NPAS3: variants seen among roughly 807,000 people sequenced by gnomAD.
NPAS3 encodes the protein neuronal PAS domain protein 3.
Under a neutral mutation model 73.1 loss-of-function variants are expected in NPAS3, and 14 were observed. That is an observed-to-expected ratio of 0.19 (90% CI 0.13 to 0.30). NPAS3 has a LOEUF of 0.30. Among genes scored for constraint, NPAS3 ranks in the 10% least tolerant of loss-of-function variants. The pLI, the probability that NPAS3 is intolerant of heterozygous loss-of-function variation, is 1.00. For synonymous variants in NPAS3, 620 were observed against 541.5 expected (o/e 1.14, Z -2.01); for missense variants, 1,096 against 1,250.0 (o/e 0.88, Z 1.86).
At chr14:33,654,586 C>A (rs2140245247) in intron 5 of NPAS3, among the ~76,000 whole-genome samples, 1 of 152,260 alleles carries the variant, frequency 6.6e-6, no homozygotes, top group African/African-American at 2.4e-5. Context: ...AATAAAAGGG[C>A]ATTTAACCTC....
intron 4 of NPAS3, among the ~76,000 whole-genome samples, chr14:33,377,734 C>T (rs1376997594): frequency 6.6e-6 from 1 of 152,104 alleles, no homozygotes; most frequent in Non-Finnish European, 1.5e-5. Flanking sequence ...TGGAGGAAAG[C>T]CATGGTATTT....
intron 7 of NPAS3, among the ~76,000 whole-genome samples, chr14:33,745,518 A>T (rs1381277296): frequency 6.6e-6 from 1 of 152,204 alleles, no homozygotes; most frequent in African/African-American, 2.4e-5. Context: ...GTGAAATAAA[A>T]TGAGATGAAG....
rs115844318 is a variant in NPAS3, at chr14:33,224,680, C to T, written c.385+9254C>T. On this transcript the variant is annotated intron_variant, in intron 3 of 11. Coordinates refer to ENST00000356141, the Ensembl canonical transcript of NPAS3. ...TTTTCTCTCTATGTTCCGCTACTTA[C>T]GATTGGAATCCCTTTTCCCCATTTA... is the stretch of plus-strand genomic sequence containing the variant. 1.9e-3 allele frequency among the ~76,000 whole-genome samples: 283 copies of T among 152,146 alleles called. 1 individual carries two copies. The highest frequency in any genetic ancestry group is 6.2e-3 in the African/African-American group (256 of 41,508).
intron 2 of NPAS3, among the ~76,000 whole-genome samples, chr14:33,143,068 G>A (rs1300962294): frequency 6.6e-6 from 1 of 152,202 alleles, no homozygotes; most frequent in Non-Finnish European, 1.5e-5. Flanking sequence ...TCATGCCATT[G>A]CACTCCAGCC....
chr14:33,177,869 C>G (rs958925769), intron 2 of NPAS3, among the ~76,000 whole-genome samples: 5 of 152,106 alleles, frequency 3.3e-5, no homozygotes, highest in Admixed American at 6.5e-5. Flanking sequence ...TATGTCTATC[C>G]TTATGCAAAT....
intron 1 of NPAS3, among the ~76,000 whole-genome samples, chr14:32,992,694 T>C (rs947748083): frequency 6.6e-5 from 10 of 152,146 alleles, no homozygotes; most frequent in African/African-American, 2.2e-4. Context: ...TACTAAATAT[T>C]ACCCTTATTG....
intron 4 of NPAS3, among the ~76,000 whole-genome samples, chr14:33,535,661 A>AT (rs2054231043): frequency 6.6e-6 from 1 of 152,104 alleles, no homozygotes; most frequent in African/African-American, 2.4e-5. Context: ...ATTATGGATG[A>AT]TTTTTTTATA....
At chr14:33,041,299 T>C (rs2138416923) in intron 1 of NPAS3, among the ~76,000 whole-genome samples, 1 of 152,296 alleles carries the variant, frequency 6.6e-6, no homozygotes, top group Non-Finnish European at 1.5e-5. Context: ...TACATGAACA[T>C]ATTTACTTCC....
chr14:33,268,834 A>G (rs1368660265), intron 3 of NPAS3, among the ~76,000 whole-genome samples: 1 of 152,092 alleles, frequency 6.6e-6, no homozygotes, highest in Non-Finnish European at 1.5e-5. Flanking sequence ...CTATTGTAAT[A>G]TTTTCTCTGT....
intron 4 of NPAS3, among the ~76,000 whole-genome samples, chr14:33,488,954 G>A (rs1033045309): frequency 6.6e-6 from 1 of 152,198 alleles, no homozygotes; most frequent in Non-Finnish European, 1.5e-5. Context: ...ATGCTCACAT[G>A]ACAAAGCAGG....
chr14:32,949,023 T>C (rs2036378817), intron 1 of NPAS3, among the ~76,000 whole-genome samples: 1 of 152,114 alleles, frequency 6.6e-6, no homozygotes, highest in African/African-American at 2.4e-5. Flanking sequence ...TTAGTTTCTT[T>C]GAAAAAATTT....
chr14:32,998,333 T>C (rs145273495), intron 1 of NPAS3, among the ~76,000 whole-genome samples: 291 of 152,288 alleles, frequency 1.9e-3, no homozygotes, highest in African/African-American at 6.6e-3. Context: ...GGTAAATCTA[T>C]ACAGACAGAA....
At chr14:32,953,651 G>A (rs915302367) in intron 1 of NPAS3, among the ~76,000 whole-genome samples, 5 of 152,078 alleles carry the variant, frequency 3.3e-5, no homozygotes, top group Non-Finnish European at 5.9e-5. Flanking sequence ...AATGAATGCC[G>A]GGTCGGAGAT....
At chr14:33,562,085 C>A (rs1262318508) in intron 5 of NPAS3, among the ~76,000 whole-genome samples, 1 of 152,116 alleles carries the variant, frequency 6.6e-6, no homozygotes, top group Non-Finnish European at 1.5e-5. Context: ...ATATATGGAT[C>A]GGATTTTCAA....
At chr14:33,247,446 A>T (rs1176761349) in intron 3 of NPAS3, among the ~76,000 whole-genome samples, 1 of 152,180 alleles carries the variant, frequency 6.6e-6, no homozygotes, top group Non-Finnish European at 1.5e-5. Context: ...TATGAGGAGA[A>T]GGCTTTGGGC....
intron 3 of NPAS3, among the ~76,000 whole-genome samples, chr14:33,338,088 G>A (rs1275422183): frequency 3.3e-5 from 5 of 151,222 alleles, no homozygotes; most frequent in Admixed American, 6.6e-5. Context: ...TTATTACATT[G>A]GTTAGAACCT....
chr14:33,452,643 C>T (rs375475583), intron 4 of NPAS3, among the ~76,000 whole-genome samples: 2 of 151,758 alleles, frequency 1.3e-5, no homozygotes, highest in Admixed American at 6.6e-5. Context: ...GGCATGATGG[C>T]GGGTGCCTGT....
At chr14:33,452,589 G>A (rs1305007535) in intron 4 of NPAS3, among the ~76,000 whole-genome samples, 6 of 151,710 alleles carry the variant, frequency 4.0e-5, no homozygotes, top group Admixed American at 6.6e-5. Flanking sequence ...TGGCTAACAC[G>A]GTGAAACCCC....
In NPAS3 at chr14:33,664,306, G is replaced by A. The variant is rs146040693; in HGVS notation, c.559-11905G>A. Among the ~76,000 whole-genome samples, 1,056 of 152,228 alleles carry A rather than the reference G, an allele frequency of 6.9e-3. 11 individuals carry two copies. Among genetic ancestry groups the A allele is most frequent in the African/African-American group, 0.024 (994 of 41,514 alleles). ...TTTAACAAACGGTGTTGAGAAAACCGGCTAGCCATATGCAGAAAACTGAAA... is the reference window on the plus strand; with the variant it reads ...TTTAACAAACGGTGTTGAGAAAACCAGCTAGCCATATGCAGAAAACTGAAA... On this transcript the variant is annotated intron_variant, in intron 5 of 11. Coordinates refer to ENST00000356141, the Ensembl canonical transcript of NPAS3.
Sources: allele counts gnomAD v4.1 joint callset (sites outside exome capture counted in the v4.1 genomes callset), GRCh38; gene constraint gnomAD v4.1.1; transcripts MANE v1.5; gene names NCBI Gene and HGNC (gene_info 2026-07-23, HGNC 2026-07-21).